Variants in ODF2 observed in about 807,000 individuals in gnomAD.
ODF2 encodes the protein outer dense fiber protein 2.
Under a neutral mutation model 110.2 loss-of-function variants are expected in ODF2, and 47 were observed. The ratio of observed to expected loss-of-function variants is 0.43; its 90% confidence interval spans 0.34 to 0.54. The LOEUF is 0.54. Ranked by LOEUF, ODF2 falls within the 20% of genes least tolerant of loss-of-function variation. The probability of loss-of-function intolerance (pLI) is 0.03; values close to 1 mark genes in which losing one functional copy is unlikely to be tolerated. For missense variants in ODF2, 812 were observed against 1,054.5 expected (o/e 0.77, Z 3.19); for synonymous variants, 352 against 397.7 (o/e 0.89, Z 1.37).
At chr9:128,472,857 A>C (rs1840367169) in intron 6 of ODF2, 56 bp from the exon 7 acceptor site, 4 of 1,609,308 alleles carry the variant, frequency 2.5e-6, no homozygotes, top group African/African-American at 1.3e-5. Flanking sequence ...CAAGCCTTGG[A>C]TCTCTGGGCA....
At chr9:128,472,746 G>A (rs1219832859) in intron 6 of ODF2, among the ~76,000 whole-genome samples, 167 bp from the exon 7 acceptor site, 2 of 152,188 alleles carry the variant, frequency 1.3e-5, no homozygotes, top group Admixed American at 1.3e-4. Context: ...GTAACTTCTG[G>A]CCCTGGTCCT....
chr9:128,473,168 G>T, intron 7 of ODF2, 126 bp downstream of exon 7: 1 of 1,476,746 alleles, frequency 6.8e-7, no homozygotes, highest in South Asian at 1.3e-5. Context: ...GGGAGAGCAC[G>T]CTTAACTAGG....
intron 7 of ODF2, chr9:128,473,258 A>G: frequency 1.0e-6 from 1 of 984,310 alleles, no homozygotes; most frequent in Non-Finnish European, 1.2e-6. Flanking sequence ...AGGAGACCTC[A>G]TCATGGGTCT....
chr9:128,474,900 G>T (rs1440178181), intron 8 of ODF2, among the ~76,000 whole-genome samples: 1 of 151,962 alleles, frequency 6.6e-6, no homozygotes, highest in Non-Finnish European at 1.5e-5. Context: ...GGAGGCGGAG[G>T]TTGCAGTGAG....
chr9:128,483,358 A>G (rs564967933), intron 10 of ODF2, among the ~76,000 whole-genome samples: 3 of 152,102 alleles, frequency 2.0e-5, no homozygotes, highest in South Asian at 2.1e-4. Flanking sequence ...GGACTCATTG[A>G]GGCCAGGAGT....
In ODF2 at chr9:128,469,146, C is replaced by G. The variant is rs762570264; in HGVS notation, c.250-37C>G. 6.9e-6 allele frequency: 11 copies of G among 1,601,360 alleles called. No homozygotes were observed. In the South Asian group the frequency reaches 7.7e-5, roughly 11 times the overall value. ...GTGGAACTCGTGGTCAAGGTTCTGC[C>G]TTCTGAGTTCATGTGTTTCTCCCTC... On this transcript the variant is annotated intron_variant, in intron 4 of 20. Coordinates refer to ENST00000604420, the Ensembl canonical transcript of ODF2.
chr9:128,481,925 A>G (rs1010038936), intron 9 of ODF2, among the ~76,000 whole-genome samples: 3 of 152,226 alleles, frequency 2.0e-5, no homozygotes, highest in Non-Finnish European at 2.9e-5. Context: ...CGTGTCTGTT[A>G]AAGCTGGATT....
At chr9:128,496,090 C>T (rs1330880842) in exon 18 of ODF2, 1 of 1,613,838 alleles carries the variant, frequency 6.2e-7, no homozygotes, top group African/African-American at 1.3e-5. Flanking sequence ...AAACATCAGG[C>T]TTCCCAGAAG....
intron 3 of ODF2, 113 bp from the exon 3 acceptor site, chr9:128,460,437 C>T (rs907994524): frequency 4.4e-5 from 66 of 1,516,076 alleles, no homozygotes; most frequent in South Asian, 3.6e-4. Context: ...CTGTCCTGCT[C>T]GCTTGGTGGC....
At chr9:128,476,127 C>T (rs979502183) in intron 8 of ODF2, among the ~76,000 whole-genome samples, 3 of 152,170 alleles carry the variant, frequency 2.0e-5, no homozygotes, top group Admixed American at 2.0e-4. Flanking sequence ...TGTTGATGGA[C>T]ACTTAGGTTG....
chr9:128,469,252 G>A (rs1158940963), exon 5 of ODF2: 2 of 1,614,124 alleles, frequency 1.2e-6, no homozygotes, highest in Non-Finnish European at 1.7e-6. Context: ...GCGGTTAAGT[G>A]ACCTCTCTAC....
exon 4 of ODF2, chr9:128,461,059 A>G: frequency 6.2e-7 from 1 of 1,614,092 alleles, no homozygotes; most frequent in Non-Finnish European, 8.5e-7. Flanking sequence ...TGTGGGATGC[A>G]AGTGGGAGGT....
chr9:128,479,088 G>A (rs533836796), intron 8 of ODF2, among the ~76,000 whole-genome samples: 9 of 152,302 alleles, frequency 5.9e-5, no homozygotes, highest in African/African-American at 4.8e-5. Flanking sequence ...TTCTGCATCC[G>A]TGGCCAAGCC....
chr9:128,483,409 C>G (rs1842788996), intron 10 of ODF2, among the ~76,000 whole-genome samples: 1 of 151,686 alleles, frequency 6.6e-6, no homozygotes, highest in Non-Finnish European at 1.5e-5. Flanking sequence ...CCCATCTCTA[C>G]AAAATTAAAA....
At chr9:128,489,867 C>T (rs1371826394) in intron 14 of ODF2, among the ~76,000 whole-genome samples, 1 of 152,172 alleles carries the variant, frequency 6.6e-6, no homozygotes, top group African/African-American at 2.4e-5. Flanking sequence ...AGTAGTTGAA[C>T]AAATCTCCAC....
Position 128,482,798 on chromosome 9 carries a change from G to T in ODF2, c.916-18G>T, listed in dbSNP as rs945783803. 1 of 1,610,344 alleles carries T rather than the reference G, an allele frequency of 6.2e-7. No homozygotes were observed. The highest frequency in any genetic ancestry group is 1.3e-5 in the African/African-American group (1 of 74,752). On this transcript the variant is annotated intron_variant, in intron 9 of 20. Coordinates refer to ENST00000604420, the Ensembl canonical transcript of ODF2. Reference sequence around the variant, plus strand: ...TTGCCCTTCCCAGGGGCACCTGACAGCCTGTGTTCTCTCCCAGCGCCTGCT... The same window carrying T: ...TTGCCCTTCCCAGGGGCACCTGACATCCTGTGTTCTCTCCCAGCGCCTGCT...
intron 2 of ODF2, among the ~76,000 whole-genome samples, chr9:128,458,868 G>A (rs925321960): frequency 1.3e-5 from 2 of 151,734 alleles, no homozygotes; most frequent in East Asian, 1.9e-4. Flanking sequence ...GTTTTGAAAC[G>A]GGGTCTCCCT....
chr9:128,477,220 G>A (rs1841473402), intron 8 of ODF2, among the ~76,000 whole-genome samples: 1 of 148,730 alleles, frequency 6.7e-6, no homozygotes, highest in Admixed American at 6.7e-5. Context: ...GTGACAGAGC[G>A]AGACTCTGTC....
rs762188467 is a variant in ODF2, at chr9:128,471,415, C to T, written c.528C>T (p.Asn176=). 1.9e-6 allele frequency: 3 copies of T among 1,613,286 alleles called. No individual in the cohort carries two copies. In the African/African-American group the frequency reaches 4.0e-5, roughly 22 times the overall value. The change falls in exon 6 of 21, where the codon AAC becomes AAT. Residue 176 remains asparagine, a synonymous_variant. Transcript: ENST00000604420. ...AACTGGCTGAGACTGAGCACGAGAA[C>T]ACGGTGTTGAGGCACAACATCGAGC... is the stretch of plus-strand genomic sequence containing the variant.
Sources: allele counts gnomAD v4.1 joint callset (sites outside exome capture counted in the v4.1 genomes callset), GRCh38; gene constraint gnomAD v4.1.1; transcripts MANE v1.5; gene names NCBI Gene and HGNC (gene_info 2026-07-23, HGNC 2026-07-21).